CLSTN2: variants seen among roughly 807,000 people sequenced by gnomAD.
CLSTN2 encodes calsyntenin-2.
A neutral mutation model predicts 101.2 loss-of-function variants in CLSTN2; 48 were observed. The observed-to-expected ratio is 0.47, with a 90% confidence interval of 0.38 to 0.60. The LOEUF (loss-of-function observed/expected upper bound fraction) is 0.60, where lower values mean the gene tolerates loss of function less well. CLSTN2 is among the 20% of genes least tolerant of loss of function. The pLI, the probability that CLSTN2 is intolerant of heterozygous loss-of-function variation, is 0.00. For synonymous variants in CLSTN2, 481 were observed against 463.6 expected, an observed-to-expected ratio of 1.04 and a Z score of -0.48; for missense variants, 1,160 against 1,238.2, an observed-to-expected ratio of 0.94 and a Z score of 0.95.
intron 1 of CLSTN2, among the ~76,000 whole-genome samples, chr3:140,073,820 C>A (rs909009820): frequency 1.3e-5 from 2 of 152,246 alleles, no homozygotes; most frequent in African/African-American, 4.8e-5. Context: ...AAGTGACTGG[C>A]AGTTCTTGAG....
In CLSTN2 at chr3:140,473,739, T is replaced by C. The variant is rs1365843942; in HGVS notation, c.1344+7008T>C. ...TAAGATAATAAATCTATGGGGGTTTTTTGTGTTTTTTTTTTGTTGTTGTTG... is the reference window on the plus strand; with the variant it reads ...TAAGATAATAAATCTATGGGGGTTTCTTGTGTTTTTTTTTTGTTGTTGTTG... On this transcript the variant is annotated intron_variant, in intron 8 of 16. Coordinates refer to ENST00000458420, the MANE Select transcript of CLSTN2 (RefSeq NM_022131.3). Among the ~76,000 whole-genome samples the C allele has an allele frequency of 4.6e-5, 4 of 86,490 alleles. No homozygotes were observed. In the South Asian group the frequency reaches 1.4e-3, roughly 30 times the overall value. The allele number at this position is 86,490 out of a possible 152,430, so 56.7% of individuals were successfully genotyped here. A position where few individuals can be genotyped will look rare whatever the true frequency, so the allele number is the denominator to read the frequency against.
In CLSTN2 at chr3:140,366,154, G is replaced by A. The variant is rs144046642; in HGVS notation, c.233-37475G>A. On this transcript the variant is annotated intron_variant, in intron 2 of 16. Transcript: ENST00000458420. ...GCACACGTGCACACTTTCCCTGATC[G>A]TACTGATCCCTGGGATGGATGGACA... Among the ~76,000 whole-genome samples, 1,520 of 152,268 alleles carry A rather than the reference G, an allele frequency of 1.0e-2. 34 individuals carry two copies. The highest frequency in any genetic ancestry group is 0.035 in the African/African-American group (1,474 of 41,552).
intron 1 of CLSTN2, among the ~76,000 whole-genome samples, chr3:140,137,457 A>C (rs948913530): frequency 6.6e-6 from 1 of 152,020 alleles, no homozygotes; most frequent in Admixed American, 6.6e-5. Context: ...TGCAACCCAT[A>C]GTTCTCGCTC....
chr3:140,005,707 AG>A (rs2006940481), intron 1 of CLSTN2, among the ~76,000 whole-genome samples: 1 of 152,218 alleles, frequency 6.6e-6, no homozygotes, highest in Admixed American at 6.5e-5. Flanking sequence ...ACAGTGCTAA[AG>A]GGTGTGGGGC....
chr3:140,343,858 C>T (rs2087515880), intron 2 of CLSTN2, among the ~76,000 whole-genome samples: 1 of 152,140 alleles, frequency 6.6e-6, no homozygotes, highest in African/African-American at 2.4e-5. Context: ...GTATGTGTAG[C>T]TCACTGGCCT....
chr3:140,201,972 A>G (rs555362814), intron 2 of CLSTN2, among the ~76,000 whole-genome samples: 1 of 152,320 alleles, frequency 6.6e-6, no homozygotes, highest in Non-Finnish European at 1.5e-5. Flanking sequence ...TTCGAAGGAA[A>G]TGAGGGGATG....
chr3:139,975,523 C>T (rs574931501), intron 1 of CLSTN2, among the ~76,000 whole-genome samples: 4 of 152,170 alleles, frequency 2.6e-5, no homozygotes, highest in African/African-American at 4.8e-5. Context: ...TAATCAGGAC[C>T]GAGAGGCTGA....
intron 1 of CLSTN2, among the ~76,000 whole-genome samples, chr3:139,955,512 T>C (rs936316708): frequency 3.3e-5 from 1 of 30,532 alleles, no homozygotes; most frequent in Non-Finnish European, 9.5e-5. Context: ...AGACATGGGG[T>C]TATAGTTTAT....
At chr3:140,388,019 T>C (rs1215260530) in intron 2 of CLSTN2, among the ~76,000 whole-genome samples, 2 of 152,268 alleles carry the variant, frequency 1.3e-5, no homozygotes, top group Non-Finnish European at 2.9e-5. Flanking sequence ...TACTCTTTCA[T>C]ATCGACAAGC....
At chr3:140,160,643 GTTTC>G (rs1425313298) in intron 1 of CLSTN2, among the ~76,000 whole-genome samples, 2 of 148,896 alleles carry the variant, frequency 1.3e-5, no homozygotes, top group African/African-American at 5.0e-5. Flanking sequence ...CCTTTTCCTT[GTTTC>G]TTTCTTGTCT....
intron 5 of CLSTN2, among the ~76,000 whole-genome samples, chr3:140,438,431 TAAAAAAAAAA>T (rs60186664): frequency 8.8e-5 from 4 of 45,676 alleles, no homozygotes; most frequent in African/African-American, 2.5e-4. Flanking sequence ...GTCCTTTCAT[TAAAAAAAAAA>T]AAAAAAAAAA....
At chr3:140,244,404 C>T (rs1306110601) in intron 2 of CLSTN2, among the ~76,000 whole-genome samples, 1 of 152,188 alleles carries the variant, frequency 6.6e-6, no homozygotes, top group Non-Finnish European at 1.5e-5. Context: ...TCAGGAAATG[C>T]TGTGCCCCTT....
At chr3:140,172,134 C>A (rs1017107515) in intron 1 of CLSTN2, among the ~76,000 whole-genome samples, 1 of 147,766 alleles carries the variant, frequency 6.8e-6, no homozygotes, top group Admixed American at 7.2e-5. Context: ...AGTTTGGCAT[C>A]GGAACAATTT....
chr3:140,345,999 TCCCATGCTGGGTCTCCATCCAGAGAA>T (rs1349765196), intron 2 of CLSTN2, among the ~76,000 whole-genome samples: 2 of 152,222 alleles, frequency 1.3e-5, no homozygotes, highest in Non-Finnish European at 2.9e-5. Flanking sequence ...ATGCATGGCT[TCCCATGCTGGGTCTCCATCCAGAGAA>T]GTGAGTGGAG....
chr3:140,234,295 T>C (rs926526943), intron 2 of CLSTN2, among the ~76,000 whole-genome samples: 8 of 152,220 alleles, frequency 5.3e-5, no homozygotes, highest in Admixed American at 3.3e-4. Flanking sequence ...ATGCTGCTGC[T>C]GCCGCAGCTG....
chr3:140,070,333 T>G (rs1321493361), intron 1 of CLSTN2, among the ~76,000 whole-genome samples: 1 of 152,224 alleles, frequency 6.6e-6, no homozygotes, highest in Non-Finnish European at 1.5e-5. Flanking sequence ...ATAGCTCCCA[T>G]AGGATTTCTC....
In CLSTN2 at chr3:140,516,749, C is replaced by T. The variant is rs115780588; in HGVS notation, c.1345-15575C>T. On this transcript the variant is annotated intron_variant, in intron 8 of 16. Coordinates refer to ENST00000458420, the MANE Select transcript of CLSTN2 (RefSeq NM_022131.3). ...GACAGGTTACCTGATGCTTTTGCCT[C>T]GCAGCTCTTAAGATTCTTTTCTTAG... Among the ~76,000 whole-genome samples the T allele has an allele frequency of 7.4e-3, 1,133 of 152,174 alleles. 4 individuals are homozygous for T. The highest frequency in any genetic ancestry group is 0.011 in the Non-Finnish European group (765 of 68,000).
rs2087801980 is a variant in CLSTN2 at position 140,367,299 on chromosome 3, G to T, written c.233-36330G>T. ...GGAGGCCGAGGTGGGCAGATCATGA[G>T]GTCAAGAGATCGAGACCATCGTGGC... On this transcript the variant is annotated intron_variant, in intron 2 of 16. Coordinates refer to ENST00000458420, the MANE Select transcript of CLSTN2 (RefSeq NM_022131.3). Among the ~76,000 whole-genome samples the T allele has an allele frequency of 3.9e-5, 6 of 152,126 alleles. No homozygotes were observed. In the South Asian group the frequency reaches 1.3e-3, roughly 32 times the overall value.
intron 1 of CLSTN2, among the ~76,000 whole-genome samples, chr3:140,027,396 G>A (rs902517061): frequency 6.6e-6 from 1 of 152,110 alleles, no homozygotes; most frequent in Non-Finnish European, 1.5e-5. Flanking sequence ...GAAGATGGAG[G>A]CAGCCCCAAA....
Sources: gnomAD v4.1 joint callset for allele counts (sites outside exome capture counted in the v4.1 genomes callset) on GRCh38, gnomAD v4.1.1 for gene constraint, MANE v1.5 for transcripts, NCBI Gene and HGNC (gene_info 2026-07-23, HGNC 2026-07-21) for gene names.